The following RGS12 variants were observed in gnomAD, a reference collection of about 807,000 sequenced individuals.
RGS12 encodes the protein regulator of G-protein signaling 12.
Under a neutral mutation model 120.1 loss-of-function variants are expected in RGS12, and 66 were observed. The observed-to-expected ratio is 0.55, with a 90% CI of 0.45 to 0.67. RGS12 has a LOEUF of 0.67. RGS12 is among the 30% of genes least tolerant of loss of function. The pLI is 0.00. For missense variants in RGS12, 1,859 were observed against 1,957.7 expected (o/e 0.95, Z 0.95); for synonymous variants, 827 against 804.7 (o/e 1.03, Z -0.47).
At chr4:3,386,383 A>C in intron 3 of RGS12, 33 bp from the exon 4 acceptor site, 10 of 1,606,226 alleles carry the variant, frequency 6.2e-6, no homozygotes, top group Non-Finnish European at 8.5e-6. Context: ...CATGAGGCTT[A>C]ATTAACTCAT....
chr4:3,303,197 G>A (rs1480233863), intron 1 of RGS12, among the ~76,000 whole-genome samples: 1 of 152,202 alleles, frequency 6.6e-6, no homozygotes, highest in Non-Finnish European at 1.5e-5. Context: ...TTAGGAAGTG[G>A]GGAAGGACAA....
At chr4:3,376,184 C>G (rs576770524) in intron 3 of RGS12, among the ~76,000 whole-genome samples, 1 of 151,824 alleles carries the variant, frequency 6.6e-6, no homozygotes, top group East Asian at 1.9e-4. Flanking sequence ...GAAAGGCTGT[C>G]ATTTTGGTTT....
intron 2 of RGS12, among the ~76,000 whole-genome samples, chr4:3,337,867 T>C (rs998574863): frequency 1.3e-5 from 2 of 152,164 alleles, no homozygotes; most frequent in African/African-American, 4.8e-5. Flanking sequence ...TGAATAAATA[T>C]TTTGAAAGTT....
In RGS12 at chr4:3,316,759, G is replaced by A; in HGVS notation, c.589G>A (p.Glu197Lys). 6.2e-7 allele frequency: 1 copy of A among 1,614,196 alleles called. No homozygotes were observed. The highest frequency in any genetic ancestry group is 1.1e-5 in the South Asian group (1 of 91,078). ...TCCAAATCCCAACATGCTTTCTAAG[G>A]AGGAAATATCAAAAGTTATTCATGA... ...NNPNPNMLSK[E>K]EISKVIHDDS... Residue 197 changes from glutamate to lysine, a missense_variant, in exon 2 of 18, where the codon GAG (glutamate) becomes AAG (lysine). Glu to Lys is a moderately conservative substitution (Grantham distance 56, BLOSUM62 1). Around this residue, in one of 3 missense-constraint regions of RGS12, gnomAD observed 967 missense variants for 994.2 expected, o/e 0.97. Coordinates refer to ENST00000336727, the MANE Select transcript of RGS12 (RefSeq NM_001394154.1).
At chr4:3,406,748 G>A (rs1322434522) in intron 4 of RGS12, among the ~76,000 whole-genome samples, 1 of 152,202 alleles carries the variant, frequency 6.6e-6, no homozygotes, top group Admixed American at 6.5e-5. Context: ...GCTCGGCCTG[G>A]GGGCAGGAGC....
intron 1 of RGS12, among the ~76,000 whole-genome samples, chr4:3,312,183 A>G (rs1724443937): frequency 6.6e-6 from 1 of 152,182 alleles, no homozygotes; most frequent in African/African-American, 2.4e-5. Context: ...CCAGTACCCC[A>G]TGGTCTTCTA....
chr4:3,303,765 C>T (rs1170291307), intron 1 of RGS12, among the ~76,000 whole-genome samples: 1 of 152,230 alleles, frequency 6.6e-6, no homozygotes, highest in Non-Finnish European at 1.5e-5. Flanking sequence ...GTGATGTTAG[C>T]ACAACTATTT....
At chr4:3,398,300 T>C (rs1225808139) in intron 4 of RGS12, among the ~76,000 whole-genome samples, 1 of 152,218 alleles carries the variant, frequency 6.6e-6, no homozygotes, top group Non-Finnish European at 1.5e-5. Flanking sequence ...TCCACTTTGA[T>C]TGTTAAAAAC....
chr4:3,424,230 G>A (rs1723361071), intron 13 of RGS12, among the ~76,000 whole-genome samples: 1 of 152,266 alleles, frequency 6.6e-6, no homozygotes, highest in African/African-American at 2.4e-5. Flanking sequence ...GGAGCGTGGG[G>A]GTTCCGGGCA....
In RGS12 at chr4:3,306,632, G is replaced by A. The variant is rs144535128; in HGVS notation, c.-101-9438G>A. On this transcript the variant is annotated intron_variant, in intron 1 of 17. Transcript: ENST00000336727. Reference sequence around the variant, plus strand: ...ACACAAATAGCTGTTGGTCTGCTCCGGCACCGAAGCCTCAGGATCACTGCA... The same window carrying A: ...ACACAAATAGCTGTTGGTCTGCTCCAGCACCGAAGCCTCAGGATCACTGCA... Among the ~76,000 whole-genome samples, 8 of 152,294 alleles carry A rather than the reference G, an allele frequency of 5.3e-5. No individual in the cohort carries two copies. In the South Asian group the frequency reaches 1.2e-3, roughly 24 times the overall value.
intron 17 of RGS12, among the ~76,000 whole-genome samples, chr4:3,435,696 C>T (rs572057622): frequency 6.8e-4 from 103 of 152,220 alleles, no homozygotes; most frequent in African/African-American, 2.0e-3. Context: ...GGTTGTGACA[C>T]GTGGTCCTCC....
chr4:3,393,912 C>T (rs892625193), intron 4 of RGS12, among the ~76,000 whole-genome samples: 4 of 152,208 alleles, frequency 2.6e-5, no homozygotes, highest in Non-Finnish European at 5.9e-5. Context: ...AGCAGGTTCT[C>T]CTCTCCCCAG....
At chr4:3,291,091 G>A (rs1722996426), upstream of RGS12, among the ~76,000 whole-genome samples, 2 of 152,184 alleles carry the variant, frequency 1.3e-5, no homozygotes, top group African/African-American at 2.4e-5. Flanking sequence ...CCCTACCCCT[G>A]TCCATGAGGC....
At chr4:3,335,456 A>G (rs758819013) in intron 2 of RGS12, among the ~76,000 whole-genome samples, 2 of 152,096 alleles carry the variant, frequency 1.3e-5, no homozygotes, top group Non-Finnish European at 2.9e-5. Flanking sequence ...CCCACCCTCT[A>G]TGACACCGAC....
intron 4 of RGS12, among the ~76,000 whole-genome samples, chr4:3,393,349 C>CA (rs956942295): frequency 6.6e-6 from 1 of 152,190 alleles, no homozygotes; most frequent in Non-Finnish European, 1.5e-5. Flanking sequence ...CTCGGCTGTG[C>CA]ATGCACAGCT....
intron 1 of RGS12, among the ~76,000 whole-genome samples, chr4:3,309,481 T>G (rs1390923286): frequency 3.2e-5 from 3 of 95,204 alleles, no homozygotes; most frequent in Admixed American, 1.1e-4. Context: ...AGGGGAACCG[T>G]GTGGGGGAGG....
Position 3,316,221 on chromosome 4 carries a change from C to T in RGS12, c.51C>T (p.Pro17=), listed in dbSNP as rs757098621. 6.2e-7 allele frequency: 1 copy of T among 1,607,078 alleles called. No individual in the cohort carries two copies. The highest frequency in any genetic ancestry group is 1.1e-5 in the South Asian group (1 of 90,094). Residue 17 remains proline, a synonymous_variant, in exon 2 of 18, where the codon CCC becomes CCT. Coordinates refer to ENST00000336727, the MANE Select transcript of RGS12 (RefSeq NM_001394154.1). ...AACGCCCATTGCCTGGGCCGTCGCC[C>T]CCAAGGGTGCGGAGTGTGGAGGTTG... ...ASKRPLPGPS[P]PRVRSVEVAR...
intron 2 of RGS12, among the ~76,000 whole-genome samples, chr4:3,319,136 C>T (rs1202095471): frequency 6.6e-6 from 1 of 151,982 alleles, no homozygotes; most frequent in Non-Finnish European, 1.5e-5. Context: ...CATTTAAAGG[C>T]AAGGAAGGAG....
chr4:3,332,014 C>T (rs1247748831), intron 2 of RGS12, among the ~76,000 whole-genome samples: 3 of 152,176 alleles, frequency 2.0e-5, no homozygotes, highest in Non-Finnish European at 4.4e-5. Flanking sequence ...TGTGGAGGGG[C>T]TGGGAAGCAG....
Sources: gnomAD v4.1 joint callset for allele counts (sites outside exome capture counted in the v4.1 genomes callset) on GRCh38, gnomAD v4.1.1 for gene constraint, gnomAD v4.1.1 regional missense constraint, MANE v1.5 for transcripts, NCBI Gene and HGNC (gene_info 2026-07-23, HGNC 2026-07-21) for gene names.